NCOA1: variants seen among roughly 807,000 people sequenced by gnomAD.
NCOA1 encodes Hin-2 protein.
NCOA1 carries 35 observed loss-of-function variants against 150.9 expected under a neutral mutation model. That is an observed-to-expected ratio of 0.23 (90% CI 0.18 to 0.31). The LOEUF is 0.31. NCOA1 is among the 10% of genes least tolerant of loss of function. NCOA1 has a pLI of 1.00. For missense variants in NCOA1, 1,491 were observed against 1,749.3 expected, an observed-to-expected ratio of 0.85 and a Z score of 2.63; for synonymous variants, 590 against 630.0, an observed-to-expected ratio of 0.94 and a Z score of 0.95.
Position 24,682,007 on chromosome 2 carries a change from C to T in NCOA1, c.355-944C>T, listed in dbSNP as rs532594506. On this transcript the variant is annotated intron_variant, in intron 7 of 22. Coordinates refer to ENST00000348332, the MANE Select transcript of NCOA1 (RefSeq NM_003743.5). ...GGGATTACAGGCGTGAGACACTGCG[C>T]CCGGCCCCGTGGCCTTTTTTAAAAG... is the stretch of plus-strand genomic sequence containing the variant. Among the ~76,000 whole-genome samples the T allele has an allele frequency of 2.6e-5, 4 of 152,344 alleles. No homozygotes were observed. The East Asian group carries it at 7.7e-4, about 29-fold the overall frequency.
chr2:24,551,200 T>C (rs1331825995), intron 1 of NCOA1, among the ~76,000 whole-genome samples: 2 of 152,154 alleles, frequency 1.3e-5, no homozygotes, highest in Non-Finnish European at 2.9e-5. Flanking sequence ...CTGTTTCAGA[T>C]AGCATAAAGA....
intron 3 of NCOA1, among the ~76,000 whole-genome samples, chr2:24,604,950 T>A (rs1668293474): frequency 6.6e-6 from 1 of 152,186 alleles, no homozygotes; most frequent in African/African-American, 2.4e-5. Context: ...ACTTGAACAG[T>A]TAAAGGCTAT....
intron 1 of NCOA1, among the ~76,000 whole-genome samples, chr2:24,524,413 C>T (rs1380586321): frequency 1.3e-5 from 2 of 152,142 alleles, no homozygotes; most frequent in African/African-American, 4.8e-5. Flanking sequence ...CCCACCTCAG[C>T]CTCCTGAGTA....
At chr2:24,754,113 A>G (rs1664383126) in intron 20 of NCOA1, among the ~76,000 whole-genome samples, 1 of 151,924 alleles carries the variant, frequency 6.6e-6, no homozygotes, top group Admixed American at 6.6e-5. Flanking sequence ...CTCTCTTCTT[A>G]CCTATTCCAC....
At chr2:24,657,069 A>T (rs1270507352) in intron 4 of NCOA1, among the ~76,000 whole-genome samples, 1 of 152,210 alleles carries the variant, frequency 6.6e-6, no homozygotes, top group Non-Finnish European at 1.5e-5. Flanking sequence ...TGGCTACGCT[A>T]ATTTACATTC....
intron 3 of NCOA1, among the ~76,000 whole-genome samples, chr2:24,610,374 C>T (rs1432804704): frequency 1.3e-5 from 2 of 151,740 alleles, no homozygotes; most frequent in Non-Finnish European, 2.9e-5. Flanking sequence ...ATCTTCTGAC[C>T]TCGTAATCTG....
At chr2:24,638,446 A>G (rs1360055296) in intron 3 of NCOA1, among the ~76,000 whole-genome samples, 1 of 152,098 alleles carries the variant, frequency 6.6e-6, no homozygotes, top group Admixed American at 6.6e-5. Context: ...TCAACATGGT[A>G]GTGCAGACGT....
chr2:24,549,666 A>G (rs1665747434), intron 1 of NCOA1, among the ~76,000 whole-genome samples: 1 of 152,052 alleles, frequency 6.6e-6, no homozygotes, highest in African/African-American at 2.4e-5. Context: ...TCCCGCGTTT[A>G]CGCCATTCTC....
At chr2:24,658,888 C>T in intron 5 of NCOA1, 122 bp downstream of exon 5, 3 of 824,718 alleles carry the variant, frequency 3.6e-6, no homozygotes, top group Admixed American at 4.4e-5. Context: ...TCATACTCAC[C>T]ATGTTGTCTT....
At position 24,707,562 on chromosome 2, in the gene NCOA1, A is replaced by G. The variant is rs1479229279; in HGVS notation, c.2092A>G (p.Ser698Gly). Residue 698 changes from serine (S) to glycine (G), a missense_variant, in exon 13 of 23, where the codon AGC becomes GGC. Physicochemically the swap from Ser to Gly is moderately conservative, Grantham distance 56. Transcript: ENST00000348332. The part of the protein sequence containing the change: ...KILHRLLQEG[S>G]PSDITTLSVE... ...TCTACACCGGCTCTTACAGGAGGGT[A>G]GCCCCTCAGATATCACCACTTTGTC... 3 of 1,614,112 alleles carry G rather than the reference A, an allele frequency of 1.9e-6. No individual in the cohort carries two copies. The highest frequency in any genetic ancestry group is 1.7e-6 in the Non-Finnish European group (2 of 1,180,036).
intron 1 of NCOA1, among the ~76,000 whole-genome samples, chr2:24,532,802 A>G (rs1218009682): frequency 1.3e-5 from 2 of 152,016 alleles, no homozygotes; most frequent in Non-Finnish European, 2.9e-5. Context: ...GTTCTGTTCC[A>G]TTGGTCTGTA....
chr2:24,608,660 T>C (rs112036898), intron 3 of NCOA1, among the ~76,000 whole-genome samples: 1 of 151,814 alleles, frequency 6.6e-6, no homozygotes, highest in African/African-American at 2.4e-5. Flanking sequence ...CTTATTTAGA[T>C]TTCAACAGGT....
At chr2:24,677,300 C>T (rs1361028579) in intron 7 of NCOA1, among the ~76,000 whole-genome samples, 4 of 152,094 alleles carry the variant, frequency 2.6e-5, no homozygotes, top group South Asian at 2.1e-4. Flanking sequence ...GCCAAGATCA[C>T]GCCACTGCAC....
chr2:24,563,339 T>C lies in NCOA1; in HGVS notation c.-395-956T>C, dbSNP rs185731591. Among the ~76,000 whole-genome samples the C allele has an allele frequency of 4.2e-4, 64 of 152,206 alleles. No individual in the cohort carries two copies. The South Asian group carries it at 4.3e-3, about 10-fold the overall frequency. ...GAATAAAGCCCAAGAGTGATAGGCG[T>C]AGGAGTCACAGGTAGAAGTAACTAG... On this transcript the variant is annotated intron_variant, in intron 1 of 22. Coordinates refer to ENST00000348332, the MANE Select transcript of NCOA1 (RefSeq NM_003743.5).
chr2:24,600,509 A>G (rs1169207826), intron 3 of NCOA1, among the ~76,000 whole-genome samples: 1 of 152,194 alleles, frequency 6.6e-6, no homozygotes, highest in Non-Finnish European at 1.5e-5. Context: ...ACCTGTCTGC[A>G]TTGAAATTAT....
intron 1 of NCOA1, among the ~76,000 whole-genome samples, chr2:24,548,484 C>G (rs1031384076): frequency 2.0e-5 from 3 of 152,192 alleles, no homozygotes; most frequent in Non-Finnish European, 4.4e-5. Context: ...CCTCACATTT[C>G]AAAACCAATT....
At chr2:24,705,351 A>G in intron 12 of NCOA1, 118 bp downstream of exon 12, 1 of 953,176 alleles carries the variant, frequency 1.0e-6, no homozygotes, top group Non-Finnish European at 1.6e-6. Flanking sequence ...GCGTAAAACT[A>G]GTGTGATGAG....
At chr2:24,509,088 C>T (rs555422084) in intron 1 of NCOA1, among the ~76,000 whole-genome samples, 2 of 152,210 alleles carry the variant, frequency 1.3e-5, no homozygotes, top group East Asian at 1.9e-4. Context: ...TTTGATCTTG[C>T]GTAATCAACA....
rs1268773794 is a variant in NCOA1 at position 24,702,722 on chromosome 2, T to C, written c.950-2364T>C. On this transcript the variant is annotated intron_variant, in intron 11 of 22. Transcript: ENST00000348332. The stretch of plus-strand genomic sequence containing the variant: ...CTAAGTGTTCTAAGGAGTTTAGAAA[T>C]GGACACAGGAATCAGAGATCAGAAT... 2.0e-5 allele frequency among the ~76,000 whole-genome samples: 3 copies of C among 152,278 alleles called. No homozygotes were observed. In the East Asian group the frequency reaches 5.8e-4, roughly 29 times the overall value.
Sources: gnomAD v4.1 joint callset for allele counts (sites outside exome capture counted in the v4.1 genomes callset) on GRCh38, gnomAD v4.1.1 for gene constraint, MANE v1.5 for transcripts, NCBI Gene and HGNC (gene_info 2026-07-23, HGNC 2026-07-21) for gene names.